Variants in CCDC12 observed in about 807,000 individuals in gnomAD.
CCDC12 encodes coiled-coil domain-containing protein 12.
CCDC12 carries 28 observed loss-of-function variants against 25.7 expected under a neutral mutation model. That is an observed-to-expected ratio of 1.09 (90% CI 0.81 to 1.50). CCDC12 has a LOEUF of 1.50. Ranked by LOEUF, CCDC12 falls within the 40% of genes most tolerant of loss-of-function variation. CCDC12 has a pLI of 0.00. For synonymous variants in CCDC12, 75 were observed against 87.7 expected, an observed-to-expected ratio of 0.86 and a Z score of 0.81; for missense variants, 198 against 210.0, an observed-to-expected ratio of 0.94 and a Z score of 0.35.
At chr3:46,967,767 A>T (rs1480553257) in intron 1 of CCDC12, among the ~76,000 whole-genome samples, 1 of 152,232 alleles carries the variant, frequency 6.6e-6, no homozygotes, top group African/African-American at 2.4e-5. Flanking sequence ...ATTAGTGGCT[A>T]GCTGCAGAGT....
intron 2 of CCDC12, among the ~76,000 whole-genome samples, chr3:46,930,539 A>G (rs928715815): frequency 2.6e-5 from 4 of 152,152 alleles, no homozygotes; most frequent in African/African-American, 9.7e-5. Flanking sequence ...GGCCACCCAA[A>G]GTCCACCCTA....
intron 1 of CCDC12, among the ~76,000 whole-genome samples, chr3:46,958,375 A>G (rs1444327648): frequency 6.6e-6 from 1 of 152,226 alleles, no homozygotes; most frequent in Non-Finnish European, 1.5e-5. Context: ...TTAAGTCTTT[A>G]GATGAATGCA....
chr3:46,928,191 G>T (rs2033055503), intron 2 of CCDC12, among the ~76,000 whole-genome samples: 1 of 152,132 alleles, frequency 6.6e-6, no homozygotes, highest in Admixed American at 6.5e-5. Context: ...AGAGGTTGCA[G>T]TGAGCTGAGA....
upstream of CCDC12, among the ~76,000 whole-genome samples, chr3:46,981,403 C>T (rs1280962801): frequency 1.3e-5 from 2 of 152,078 alleles, no homozygotes; most frequent in Non-Finnish European, 2.9e-5. Context: ...GATCGCGCCA[C>T]TGCACTCCAG....
At position 46,921,884 on chromosome 3, in the gene CCDC12, G is replaced by A; in HGVS notation, c.*173C>T. On this transcript the variant is annotated 3_prime_UTR_variant, in exon 7 of 7. Coordinates refer to ENST00000683445, the MANE Select transcript of CCDC12 (RefSeq NM_001277074.2). ...TCTGCCTCCATTCAGAATGGCAGGGGCCACCCAGCAGACAAGGAGCTGACC... is the reference window on the plus strand; with the variant it reads ...TCTGCCTCCATTCAGAATGGCAGGGACCACCCAGCAGACAAGGAGCTGACC... 1.5e-6 allele frequency: 1 copy of A among 658,232 alleles called. No individual in the cohort carries two copies. The highest frequency in any genetic ancestry group is 2.6e-6 in the Non-Finnish European group (1 of 385,158). The allele number at this position is 658,232 out of a possible 1,614,324, so 40.8% of individuals were successfully genotyped here. A position where few individuals can be genotyped will look rare whatever the true frequency, so the allele number is the denominator to read the frequency against.
At chr3:46,957,546 C>T (rs957120301) in intron 1 of CCDC12, among the ~76,000 whole-genome samples, 2 of 152,154 alleles carry the variant, frequency 1.3e-5, no homozygotes, top group Admixed American at 1.3e-4. Flanking sequence ...CTACACATGG[C>T]CATTTATAGC....
intron 1 of CCDC12, among the ~76,000 whole-genome samples, chr3:46,965,635 G>C (rs1448175541): frequency 6.6e-6 from 1 of 152,158 alleles, no homozygotes; most frequent in African/African-American, 2.4e-5. Context: ...AGCTCCAAGG[G>C]ATGAGGGCAG....
intron 1 of CCDC12, among the ~76,000 whole-genome samples, chr3:46,947,477 G>C (rs2033952019): frequency 6.6e-6 from 1 of 152,210 alleles, no homozygotes; most frequent in South Asian, 2.1e-4. Context: ...CCTGAAGATG[G>C]AGTGATAAGA....
intron 1 of CCDC12, among the ~76,000 whole-genome samples, chr3:46,969,643 A>C (rs963303906): frequency 6.6e-6 from 1 of 152,196 alleles, no homozygotes; most frequent in Non-Finnish European, 1.5e-5. Context: ...TCTGATGGAG[A>C]TACCAGCCAT....
intron 4 of CCDC12, 35 bp from the exon 5 acceptor site, chr3:46,923,398 G>A: frequency 6.5e-7 from 1 of 1,534,944 alleles, no homozygotes; most frequent in Non-Finnish European, 8.8e-7. Flanking sequence ...AGGGTGGAGG[G>A]GCCACCCCAG....
At chr3:46,957,948 TAAAAAAATAAATACACACACACAC>T (rs1335304416) in intron 1 of CCDC12, among the ~76,000 whole-genome samples, 2 of 96,386 alleles carry the variant, frequency 2.1e-5, no homozygotes, top group African/African-American at 3.6e-5. Flanking sequence ...ATCTCAAAAA[TAAAAAAATAAATACACACACACAC>T]ACACACACAC....
chr3:46,940,823 C>T (rs544072615), intron 2 of CCDC12, 175 bp downstream of exon 2: 4 of 643,074 alleles, frequency 6.2e-6, no homozygotes, highest in African/African-American at 1.8e-5. Context: ...GAGAAGGCCT[C>T]GACAAGGGCC....
intron 1 of CCDC12, among the ~76,000 whole-genome samples, chr3:46,963,802 G>C (rs1461680219): frequency 6.6e-6 from 1 of 152,214 alleles, no homozygotes; most frequent in Admixed American, 6.5e-5. Context: ...ATCTCGGCTC[G>C]CTACAACCTC....
chr3:46,979,854 G>A (rs988548484), upstream of CCDC12: 56 of 460,882 alleles, frequency 1.2e-4, 1 homozygote, highest in Non-Finnish European at 1.7e-4. Flanking sequence ...CCGGAGCCGG[G>A]CCGGGCCATG....
chr3:46,946,991 G>A (rs6785462), intron 1 of CCDC12, among the ~76,000 whole-genome samples: 142,907 of 152,216 alleles, frequency 0.94, 67,764 homozygotes, highest in East Asian at 1. Flanking sequence ...CTCATCTAGG[G>A]TCTTCCCACC....
In CCDC12 at chr3:46,964,011, G is replaced by A. The variant is rs552681621; in HGVS notation, c.96+12626C>T. Among the ~76,000 whole-genome samples the A allele has an allele frequency of 1.9e-3, 294 of 152,216 alleles. 2 individuals carry two copies. The highest frequency in any genetic ancestry group is 6.9e-3 in the African/African-American group (285 of 41,532). The stretch of plus-strand genomic sequence containing the variant: ...GCCGCCATCCCATCTAGGAAGTGAG[G>A]AGCGTCTCTGCCCGGCCACCCATCG... On this transcript the variant is annotated intron_variant, in intron 1 of 6. Transcript: ENST00000683445.
At chr3:46,977,573 C>A (rs2035034358), upstream of CCDC12, among the ~76,000 whole-genome samples, 1 of 152,134 alleles carries the variant, frequency 6.6e-6, no homozygotes, top group Admixed American at 6.5e-5. Flanking sequence ...AGTGGCTCCC[C>A]GGACTCACCT....
chr3:46,961,334 T>C lies in CCDC12; in HGVS notation c.96+15303A>G, dbSNP rs531426930. On this transcript the variant is annotated intron_variant, in intron 1 of 6. Transcript: ENST00000683445. ...CTGCTCCCAATGTCTGCAGGGTCAA[T>C]GGAAGAGCCAAAAACCATTTAAAAC... 9.2e-5 allele frequency among the ~76,000 whole-genome samples: 14 copies of C among 152,332 alleles called. No individual in the cohort carries two copies. The East Asian group carries it at 1.7e-3, about 19-fold the overall frequency.
At position 46,925,854 on chromosome 3, in the gene CCDC12, T is replaced by G. The variant is rs142351217; in HGVS notation, c.165-319A>C. Among the ~76,000 whole-genome samples, 5 of 152,322 alleles carry G rather than the reference T, an allele frequency of 3.3e-5. No homozygotes were observed. The East Asian group carries it at 9.7e-4, about 29-fold the overall frequency. Reference sequence around the variant, plus strand: ...CTCCTGGATCATCCCATTTGACAGATAAGGGGACTGGAGGTCAGAGAGACT... The same window carrying G: ...CTCCTGGATCATCCCATTTGACAGAGAAGGGGACTGGAGGTCAGAGAGACT... On this transcript the variant is annotated intron_variant, in intron 2 of 6. Coordinates refer to ENST00000683445, the MANE Select transcript of CCDC12 (RefSeq NM_001277074.2).
Sources: allele counts gnomAD v4.1 joint callset (sites outside exome capture counted in the v4.1 genomes callset), GRCh38; gene constraint gnomAD v4.1.1; transcripts MANE v1.5; gene names NCBI Gene and HGNC (gene_info 2026-07-23, HGNC 2026-07-21).